The following CSMD1 variants were observed in gnomAD, a reference collection of about 807,000 sequenced individuals.
CSMD1 encodes CUB and sushi domain-containing protein 1.
CSMD1 carries 213 observed loss-of-function variants against 417.5 expected under a neutral mutation model. The ratio of observed to expected loss-of-function variants is 0.51; its 90% CI spans 0.46 to 0.57. CSMD1 has a LOEUF of 0.57. Among genes scored for constraint, CSMD1 ranks in the 20% least tolerant of loss-of-function variants. The probability of loss-of-function intolerance (pLI) is 0.00; values close to 1 mark genes in which losing one functional copy is unlikely to be tolerated. For missense variants in CSMD1, 6,923 were observed against 4,529.7 expected (o/e 1.53, Z -15.17); for synonymous variants, 2,862 against 1,736.8 (o/e 1.65, Z -16.11).
intron 1 of CSMD1, among the ~76,000 whole-genome samples, chr8:4,699,084 C>T (rs913903838): frequency 6.6e-6 from 1 of 152,126 alleles, no homozygotes; most frequent in African/African-American, 2.4e-5. Flanking sequence ...AGATGTCCTG[C>T]TAGAGTTTGA....
intron 49 of CSMD1, among the ~76,000 whole-genome samples, chr8:3,066,948 G>C (rs1327500734): frequency 6.6e-6 from 1 of 152,138 alleles, no homozygotes; most frequent in Non-Finnish European, 1.5e-5. Context: ...AAGTTGATGG[G>C]TGTAATTAAA....
chr8:3,886,326 G>T (rs1460793268), intron 5 of CSMD1, among the ~76,000 whole-genome samples: 1 of 152,206 alleles, frequency 6.6e-6, no homozygotes, highest in Non-Finnish European at 1.5e-5. Flanking sequence ...TGGGATTACA[G>T]GCGTGGGCCA....
intron 7 of CSMD1, among the ~76,000 whole-genome samples, chr8:3,677,169 T>C (rs944656555): frequency 6.6e-6 from 1 of 151,582 alleles, no homozygotes; most frequent in Non-Finnish European, 1.5e-5. Context: ...TAAAGTAAAA[T>C]AAAAATAAAA....
intron 7 of CSMD1, among the ~76,000 whole-genome samples, chr8:3,693,183 G>A (rs183052379): frequency 6.6e-6 from 1 of 152,124 alleles, no homozygotes; most frequent in Non-Finnish European, 1.5e-5. Flanking sequence ...AATTGGTCAG[G>A]AGTCAATGAA....
chr8:4,881,962 G>C (rs533214598), intron 1 of CSMD1, among the ~76,000 whole-genome samples: 3 of 152,010 alleles, frequency 2.0e-5, no homozygotes, highest in African/African-American at 4.8e-5. Flanking sequence ...CAATGAAAAG[G>C]ATATGACATG....
rs555297246 is a variant in CSMD1 at position 3,658,760 on chromosome 8, G to A, written c.1010-41963C>T. ...ATCGTGCCACTGAACTTCAGCCTGG[G>A]TGACAAAGAGAGACTCCACCTCAAA... is the stretch of plus-strand genomic sequence containing the variant. On this transcript the variant is annotated intron_variant, in intron 7 of 69. Coordinates refer to ENST00000635120, the MANE Select transcript of CSMD1 (RefSeq NM_033225.6). Among the ~76,000 whole-genome samples, 4 of 152,202 alleles carry A rather than the reference G, an allele frequency of 2.6e-5. No individual in the cohort carries two copies. The East Asian group carries it at 5.8e-4, about 22-fold the overall frequency.
intron 4 of CSMD1, among the ~76,000 whole-genome samples, chr8:4,027,071 A>G (rs1189197510): frequency 2.6e-5 from 4 of 152,224 alleles, no homozygotes; most frequent in Non-Finnish European, 5.9e-5. Context: ...TTCTCAGGCC[A>G]GCCAGGATAG....
At chr8:3,350,080 A>C (rs1585037539) in intron 21 of CSMD1, among the ~76,000 whole-genome samples, 1 of 137,028 alleles carries the variant, frequency 7.3e-6, no homozygotes, top group Non-Finnish European at 1.5e-5. Flanking sequence ...TGTGTGTTAT[A>C]ATACCTATAA....
chr8:4,944,108 T>C (rs11998341), intron 1 of CSMD1, among the ~76,000 whole-genome samples: 77,929 of 151,986 alleles, frequency 0.51, 21,235 homozygotes, highest in East Asian at 0.79. Context: ...AAAGGCAGAT[T>C]CAAGTCTAAA....
At chr8:4,904,789 G>C (rs1805126767) in intron 1 of CSMD1, among the ~76,000 whole-genome samples, 1 of 151,960 alleles carries the variant, frequency 6.6e-6, no homozygotes, top group Non-Finnish European at 1.5e-5. Flanking sequence ...CAGTTATTTT[G>C]GACAGTTATA....
At chr8:4,892,297 T>C (rs1360356484) in intron 1 of CSMD1, among the ~76,000 whole-genome samples, 1 of 152,034 alleles carries the variant, frequency 6.6e-6, no homozygotes, top group African/African-American at 2.4e-5. Flanking sequence ...TAAAAGGAAG[T>C]CAATCACATA....
intron 3 of CSMD1, among the ~76,000 whole-genome samples, chr8:4,063,430 T>C (rs942493544): frequency 1.3e-5 from 2 of 152,212 alleles, no homozygotes; most frequent in African/African-American, 4.8e-5. Context: ...GATTATTAAA[T>C]GAATACAATG....
chr8:3,614,938 C>T (rs1802064046), intron 8 of CSMD1, among the ~76,000 whole-genome samples: 1 of 152,110 alleles, frequency 6.6e-6, no homozygotes, highest in South Asian at 2.1e-4. Flanking sequence ...GATTTTTCCT[C>T]GACAAGAGGG....
intron 7 of CSMD1, among the ~76,000 whole-genome samples, chr8:3,662,429 C>A (rs111374356): frequency 4.6e-4 from 70 of 152,224 alleles, no homozygotes; most frequent in African/African-American, 1.6e-3. Flanking sequence ...TTTCTTTATC[C>A]AGTCTATTAT....
chr8:4,294,480 T>C (rs957204788), intron 3 of CSMD1, among the ~76,000 whole-genome samples: 18 of 152,274 alleles, frequency 1.2e-4, no homozygotes, highest in Admixed American at 1.1e-3. Context: ...CTGATCTCTG[T>C]TGTTTCATTT....
At chr8:4,300,453 G>C (rs533664545) in intron 3 of CSMD1, among the ~76,000 whole-genome samples, 1 of 152,322 alleles carries the variant, frequency 6.6e-6, no homozygotes, top group South Asian at 2.1e-4. Context: ...AAAGAACTGA[G>C]TGTCCTTGGA....
intron 3 of CSMD1, among the ~76,000 whole-genome samples, chr8:4,054,195 G>A (rs1303485897): frequency 6.6e-6 from 1 of 152,146 alleles, no homozygotes; most frequent in African/African-American, 2.4e-5. Context: ...GCACGGCCAT[G>A]AGAAGAAATG....
chr8:3,959,881 G>T (rs1182844009), intron 5 of CSMD1, among the ~76,000 whole-genome samples: 3 of 152,192 alleles, frequency 2.0e-5, no homozygotes, highest in Non-Finnish European at 4.4e-5. Context: ...CGTGTGATCT[G>T]CCTTCATTCC....
chr8:4,066,720 G>C (rs1435067909), intron 3 of CSMD1, among the ~76,000 whole-genome samples: 5 of 152,116 alleles, frequency 3.3e-5, no homozygotes, highest in Admixed American at 1.3e-4. Context: ...ATTTTGTTTG[G>C]GACGAGAGTG....
Sources: allele counts gnomAD v4.1 joint callset (sites outside exome capture counted in the v4.1 genomes callset), GRCh38; gene constraint gnomAD v4.1.1; transcripts MANE v1.5; gene names NCBI Gene and HGNC (gene_info 2026-07-23, HGNC 2026-07-21).